Variants in TAS1R2 observed in about 807,000 individuals in gnomAD.
TAS1R2 encodes the protein taste 1 receptor member 2.
In TAS1R2, 47 loss-of-function variants were observed where a neutral mutation model predicts 49.3. The observed-to-expected ratio is 0.95, with a 90% CI of 0.75 to 1.22. TAS1R2 has a LOEUF of 1.22. Ranked by LOEUF, TAS1R2 falls within the 50% of genes most tolerant of loss-of-function variation. TAS1R2 has a pLI of 0.00. For synonymous variants in TAS1R2, 479 were observed against 467.9 expected (o/e 1.02, Z -0.31); for missense variants, 1,155 against 1,122.1 (o/e 1.03, Z -0.42).
exon 6 of TAS1R2, chr1:18,840,441 C>T (rs1933801876): frequency 3.1e-6 from 5 of 1,614,174 alleles, no homozygotes; most frequent in Non-Finnish European, 3.4e-6. Flanking sequence ...TCATGCCATT[C>T]CAGGAAGACC....
rs774902915 is a variant in TAS1R2, at chr1:18,840,275, T to C, written c.1844A>G (p.Tyr615Cys). The C allele has an allele frequency of 3.0e-5, 48 of 1,613,918 alleles. No homozygotes were observed. The South Asian group carries it at 4.1e-4, about 14-fold the overall frequency. ...CCCCACGTACACCGGGACCACCATG[T>C]ATGCCACCAGCAGCAGTGTCAGCAT... Residue 615 changes from tyrosine to cysteine, a missense_variant, in exon 6 of 6, where the codon TAC (tyrosine) becomes TGC (cysteine). Tyr to Cys is a radical substitution (Grantham distance 194, BLOSUM62 -2). Transcript: ENST00000375371.
intron 3 of TAS1R2, among the ~76,000 whole-genome samples, chr1:18,850,916 AGAG>A (rs1248368459): frequency 2.6e-5 from 4 of 152,244 alleles, no homozygotes; most frequent in African/African-American, 7.2e-5. Flanking sequence ...GAGAAGAGGA[AGAG>A]GAGGAGTACA....
chr1:18,859,238 G>A (rs1934196475), intron 1 of TAS1R2, among the ~76,000 whole-genome samples: 1 of 152,140 alleles, frequency 6.6e-6, no homozygotes, highest in South Asian at 2.1e-4. Flanking sequence ...AAAAAAAATG[G>A]CACTGAGATG....
At position 18,847,017 on chromosome 1, in the gene TAS1R2, C is replaced by G. The variant is rs577041051; in HGVS notation, c.1467+2324G>C. 9.2e-5 allele frequency among the ~76,000 whole-genome samples: 14 copies of G among 152,344 alleles called. No homozygotes were observed. The South Asian group carries it at 2.5e-3, about 27-fold the overall frequency. ...CCAGCCATGTAACAAGGTGGCTCCCCCTTTGCCTCCCACCATGACTGTAAA... is the reference window on the plus strand; with the variant it reads ...CCAGCCATGTAACAAGGTGGCTCCCGCTTTGCCTCCCACCATGACTGTAAA... On this transcript the variant is annotated intron_variant, in intron 4 of 5. Coordinates refer to ENST00000375371, the Ensembl canonical transcript of TAS1R2.
chr1:18,854,691 A>G lies in TAS1R2; in HGVS notation c.779T>C (p.Ile260Thr), dbSNP rs1003403922. ...TGTGCTCTGCTGCAGCTTGTCCACA[A>G]TGGTCACCAGGCGCTGGCGCTCCTC... is the stretch of plus-strand genomic sequence containing the variant. The change falls in exon 3 of 6, where the codon ATT becomes ACT. Residue 260 changes from isoleucine (I) to threonine (T), a missense_variant. By Grantham distance (89) the Ile-to-Thr change is moderately conservative. Transcript: ENST00000375371. The surrounding 1 kb of genome is among the most constrained non-coding windows in gnomAD (Gnocchi z 4.9). 2.5e-6 allele frequency: 4 copies of G among 1,613,868 alleles called. No homozygotes were observed. The highest frequency in any genetic ancestry group is 2.2e-5 in the East Asian group (1 of 44,868).
intron 4 of TAS1R2, among the ~76,000 whole-genome samples, chr1:18,846,816 GTC>G (rs1933928244): frequency 6.6e-6 from 1 of 152,224 alleles, no homozygotes; most frequent in African/African-American, 2.4e-5. Context: ...TCCAGTTGTA[GTC>G]CCCAGCGTTG....
At chr1:18,845,338 G>C (rs1339774502) in intron 4 of TAS1R2, among the ~76,000 whole-genome samples, 1 of 152,204 alleles carries the variant, frequency 6.6e-6, no homozygotes, top group East Asian at 1.9e-4. Flanking sequence ...GCAAGGTGGG[G>C]ACACTGCCCT....
At chr1:18,844,761 AGAAGAAGAAG>A (rs551457095) in intron 4 of TAS1R2, among the ~76,000 whole-genome samples, 372 of 28,104 alleles carry the variant, frequency 0.013, 2 homozygotes, top group African/African-American at 0.02. Context: ...CAGAAAAAAA[AGAAGAAGAAG>A]AAGAAGAAGA....
intron 2 of TAS1R2, among the ~76,000 whole-genome samples, chr1:18,856,287 A>G (rs1457275469): frequency 1.3e-5 from 2 of 151,938 alleles, no homozygotes; most frequent in Non-Finnish European, 2.9e-5. Flanking sequence ...TTCTTCTGCT[A>G]GGTCCCTCAT....
chr1:18,851,551 G>A (rs1355821265), intron 3 of TAS1R2, among the ~76,000 whole-genome samples: 7 of 151,984 alleles, frequency 4.6e-5, no homozygotes, highest in African/African-American at 7.3e-5. Flanking sequence ...GGCTGGTCTC[G>A]AACTCCTGAC....
chr1:18,856,741 T>G (rs1466126609), intron 2 of TAS1R2, among the ~76,000 whole-genome samples: 1 of 152,174 alleles, frequency 6.6e-6, no homozygotes, highest in African/African-American at 2.4e-5. Flanking sequence ...CCAAGTCTTT[T>G]GCTAGCTGAT....
At chr1:18,853,086 C>T (rs913008781) in intron 3 of TAS1R2, among the ~76,000 whole-genome samples, 39 of 152,284 alleles carry the variant, frequency 2.6e-4, no homozygotes, top group Middle Eastern at 3.4e-3. Context: ...GTGGGAAAAC[C>T]ACAGCAGAAT....
chr1:18,843,083 C>CTATCT (rs1241331197), intron 4 of TAS1R2, among the ~76,000 whole-genome samples: 3 of 152,208 alleles, frequency 2.0e-5, no homozygotes, highest in Non-Finnish European at 4.4e-5. Context: ...TTAACACTCA[C>CTATCT]TATCTTATCA....
exon 6 of TAS1R2, chr1:18,839,947 G>A (rs1371558787): frequency 2.5e-6 from 4 of 1,614,126 alleles, no homozygotes; most frequent in Non-Finnish European, 3.4e-6. Context: ...GGCTGTTGCG[G>A]TAGTTGGGGT....
intron 4 of TAS1R2, among the ~76,000 whole-genome samples, chr1:18,843,681 A>G (rs1933867965): frequency 6.6e-6 from 1 of 152,216 alleles, no homozygotes; most frequent in Non-Finnish European, 1.5e-5. Context: ...GCTTATAAGA[A>G]TGGGCAAGCC....
intron 4 of TAS1R2, among the ~76,000 whole-genome samples, chr1:18,843,415 C>G (rs1933861888): frequency 6.6e-6 from 1 of 152,294 alleles, no homozygotes. Context: ...AGATAATAGA[C>G]AAGTCATCCA....
At chr1:18,848,907 G>A (rs4920557) in intron 4 of TAS1R2, among the ~76,000 whole-genome samples, 63,028 of 151,976 alleles carry the variant, frequency 0.41, 13,361 homozygotes, top group East Asian at 0.55. Context: ...TATATGTTAC[G>A]ATAATAATAG....
chr1:18,846,028 G>A (rs1453010400), intron 4 of TAS1R2, among the ~76,000 whole-genome samples: 1 of 152,230 alleles, frequency 6.6e-6, no homozygotes, highest in African/African-American at 2.4e-5. Flanking sequence ...TCAGGCTCAA[G>A]GAAAGCCACT....
intron 1 of TAS1R2, 59 bp downstream of exon 1, chr1:18,859,420 C>T: frequency 6.2e-7 from 1 of 1,600,202 alleles, no homozygotes; most frequent in South Asian, 1.1e-5. Context: ...CCCACAGGAC[C>T]AGGCCTGGCC....
Sources: gnomAD v4.1 joint callset for allele counts (sites outside exome capture counted in the v4.1 genomes callset) on GRCh38, gnomAD v4.1.1 for gene constraint, Gnocchi (gnomAD v3.1) non-coding constraint, MANE v1.5 for transcripts, NCBI Gene and HGNC (gene_info 2026-07-23, HGNC 2026-07-21) for gene names.